The following PARM1 variants were observed in gnomAD, a reference collection of about 807,000 sequenced individuals.
PARM1 encodes WSC4, cell wall integrity and stress response component 4 homolog.
Under a neutral mutation model 24.6 loss-of-function variants are expected in PARM1, and 14 were observed. The ratio of observed to expected loss-of-function variants is 0.57; its 90% CI spans 0.38 to 0.89. PARM1 has a LOEUF of 0.89. Among genes scored for constraint, PARM1 ranks in the 40% least tolerant of loss-of-function variants. PARM1 has a pLI of 0.00. For synonymous variants in PARM1, 179 were observed against 156.6 expected (o/e 1.14, Z -1.07); for missense variants, 362 against 380.4 (o/e 0.95, Z 0.40).
At chr4:74,942,110 A>T in intron 1 of PARM1, among the ~76,000 whole-genome samples, 1 of 152,214 alleles carries the variant, frequency 6.6e-6, no homozygotes, top group South Asian at 2.1e-4. Context: ...TCAAGTATGT[A>T]TACCAACAGG....
intron 1 of PARM1, among the ~76,000 whole-genome samples, chr4:75,011,077 G>A (rs984507049): frequency 6.6e-6 from 1 of 152,104 alleles, no homozygotes; most frequent in Admixed American, 6.5e-5. Flanking sequence ...TAAACAGCCA[G>A]ATCCTGAGAG....
chr4:75,006,622 T>C (rs894725554), intron 1 of PARM1, among the ~76,000 whole-genome samples: 1 of 152,220 alleles, frequency 6.6e-6, no homozygotes, highest in Non-Finnish European at 1.5e-5. Flanking sequence ...TGTGTCTTTA[T>C]AGCAGCATGA....
chr4:74,955,109 G>A (rs1360361681), intron 1 of PARM1, among the ~76,000 whole-genome samples: 1 of 152,006 alleles, frequency 6.6e-6, no homozygotes, highest in Non-Finnish European at 1.5e-5. Context: ...TATTGAAAAT[G>A]TATAAGATAT....
chr4:74,948,420 G>C (rs941032298), intron 1 of PARM1, among the ~76,000 whole-genome samples: 1 of 152,156 alleles, frequency 6.6e-6, no homozygotes, highest in African/African-American at 2.4e-5. Flanking sequence ...AGATTTAAAG[G>C]CTTTATGATC....
intron 2 of PARM1, among the ~76,000 whole-genome samples, chr4:75,023,970 G>A (rs554495155): frequency 1.3e-5 from 2 of 152,264 alleles, no homozygotes; most frequent in Admixed American, 6.5e-5. Flanking sequence ...GGTAAACACA[G>A]TATTCAAAAG....
chr4:75,041,848 C>A (rs1324538378), intron 3 of PARM1, among the ~76,000 whole-genome samples: 3 of 152,030 alleles, frequency 2.0e-5, no homozygotes, highest in African/African-American at 7.2e-5. Flanking sequence ...CATTTTTCCC[C>A]CTCGGGTTTT....
intron 3 of PARM1, among the ~76,000 whole-genome samples, chr4:75,044,128 A>G (rs2109817085): frequency 6.6e-6 from 1 of 152,344 alleles, no homozygotes; most frequent in Admixed American, 6.5e-5. Context: ...TATTTTAGCA[A>G]CAGATATAAG....
intron 1 of PARM1, among the ~76,000 whole-genome samples, chr4:74,988,614 A>C (rs1361488664): frequency 6.6e-6 from 1 of 152,202 alleles, no homozygotes; most frequent in Non-Finnish European, 1.5e-5. Flanking sequence ...ACAAGCACAA[A>C]ATGTTATAAA....
chr4:75,013,101 C>T lies in PARM1; in HGVS notation c.720C>T (p.Thr240=), dbSNP rs149486414. Residue 240 remains threonine (T), a synonymous_variant, in exon 2 of 4, where the codon ACC becomes ACT. Coordinates refer to ENST00000307428, the MANE Select transcript of PARM1 (RefSeq NM_015393.4). ...AGCTCATAGACATGGAGACCACCAC[C>T]ACCTTTCCCAGGGTGATCATGCAGG... ...MCELIDMETT[T]TFPRVIMQEV... The T allele has an allele frequency of 3.4e-4, 551 of 1,614,002 alleles. 8 individuals carry two copies. In the African/African-American group the frequency reaches 5.8e-3, roughly 17 times the overall value.
chr4:75,008,760 TTGAATGAA>T (rs568933343), intron 1 of PARM1, among the ~76,000 whole-genome samples: 4 of 152,202 alleles, frequency 2.6e-5, no homozygotes, highest in Admixed American at 6.5e-5. Flanking sequence ...CAATAAATTC[TTGAATGAA>T]TGAATGAATG....
intron 2 of PARM1, among the ~76,000 whole-genome samples, chr4:75,021,455 TC>T (rs11343825): frequency 0.011 from 1,688 of 152,250 alleles, 28 homozygotes; most frequent in African/African-American, 0.038. Context: ...TTTTTTTTTT[TC>T]CTTCCAACTT....
At chr4:75,003,935 G>T (rs1227406071) in intron 1 of PARM1, among the ~76,000 whole-genome samples, 1 of 152,028 alleles carries the variant, frequency 6.6e-6, no homozygotes, top group Non-Finnish European at 1.5e-5. Context: ...TCAATGTAAA[G>T]ATGTTAAAAC....
intron 1 of PARM1, among the ~76,000 whole-genome samples, chr4:74,941,463 A>G (rs1390118009): frequency 2.0e-5 from 3 of 152,192 alleles, no homozygotes; most frequent in African/African-American, 7.2e-5. Context: ...AAATGGCTGA[A>G]TCAGGGGAGC....
intron 2 of PARM1, among the ~76,000 whole-genome samples, chr4:75,023,846 G>A (rs1403201098): frequency 6.6e-6 from 1 of 152,222 alleles, no homozygotes; most frequent in Non-Finnish European, 1.5e-5. Context: ...GGACAGTTGA[G>A]ACCTAGAAGT....
chr4:75,009,551 A>G (rs1722830619), intron 1 of PARM1, among the ~76,000 whole-genome samples: 1 of 152,220 alleles, frequency 6.6e-6, no homozygotes. Context: ...GTTATGTTGG[A>G]ATTAAAATGA....
chr4:75,029,119 G>A (rs953901410), intron 2 of PARM1, among the ~76,000 whole-genome samples: 2 of 152,158 alleles, frequency 1.3e-5, no homozygotes, highest in Admixed American at 1.3e-4. Context: ...GGATGTGTGA[G>A]TGTGGGGAGA....
At chr4:74,995,917 G>A (rs1243197966) in intron 1 of PARM1, among the ~76,000 whole-genome samples, 1 of 152,120 alleles carries the variant, frequency 6.6e-6, no homozygotes, top group Non-Finnish European at 1.5e-5. Context: ...GGCCCTACAT[G>A]ATTTGGTCCT....
Position 74,933,259 on chromosome 4 carries a change from C to T in PARM1, c.-69C>T. On this transcript the variant is annotated 5_prime_UTR_variant, in exon 1 of 4. Coordinates refer to ENST00000307428, the MANE Select transcript of PARM1 (RefSeq NM_015393.4). Reference sequence around the variant, plus strand: ...CGGCAGAGGAGTCGCTACCAGCGCCCAGTGCGCTCTGTCAGTCCGCAAACT... The same window carrying T: ...CGGCAGAGGAGTCGCTACCAGCGCCTAGTGCGCTCTGTCAGTCCGCAAACT... The T allele has an allele frequency of 7.2e-7, 1 of 1,394,106 alleles. No individual in the cohort carries two copies. Among genetic ancestry groups the T allele is most frequent in the Non-Finnish European group, 1.0e-6 (1 of 986,210 alleles). 86.4% of individuals were successfully genotyped at this position (1,394,106 alleles called of 1,614,324 possible). A position where few individuals can be genotyped will look rare whatever the true frequency, so the allele number is the denominator to read the frequency against.
intron 3 of PARM1, among the ~76,000 whole-genome samples, chr4:75,043,733 A>G (rs1042649208): frequency 1.3e-5 from 2 of 152,148 alleles, no homozygotes; most frequent in Non-Finnish European, 2.9e-5. Context: ...CTGTTAAAGG[A>G]TTTGATTGGA....
Sources: allele counts gnomAD v4.1 joint callset (sites outside exome capture counted in the v4.1 genomes callset), GRCh38; gene constraint gnomAD v4.1.1; transcripts MANE v1.5; gene names NCBI Gene and HGNC (gene_info 2026-07-23, HGNC 2026-07-21).